The following NTM variants were observed in gnomAD, a reference collection of about 807,000 sequenced individuals.
NTM encodes neurotrimin, also known as IgLON family member 2.
A neutral mutation model predicts 42.1 loss-of-function variants in NTM; 13 were observed. The ratio of observed to expected loss-of-function variants is 0.31; its 90% CI spans 0.20 to 0.49. The LOEUF is 0.49. Among genes scored for constraint, NTM ranks in the 20% least tolerant of loss-of-function variants. The probability of loss-of-function intolerance (pLI) is 0.99; values close to 1 mark genes in which losing one functional copy is unlikely to be tolerated. For missense variants in NTM, 373 were observed against 452.8 expected (o/e 0.82, Z 1.60); for synonymous variants, 187 against 179.2 (o/e 1.04, Z -0.35).
intron 3 of NTM, among the ~76,000 whole-genome samples, chr11:132,154,317 G>C (rs1273593825): frequency 6.6e-6 from 1 of 152,160 alleles, no homozygotes; most frequent in African/African-American, 2.4e-5. Flanking sequence ...AAACACCTAA[G>C]TCAATAAATC....
At chr11:132,175,624 G>T (rs1359472903) in intron 3 of NTM, among the ~76,000 whole-genome samples, 3 of 150,920 alleles carry the variant, frequency 2.0e-5, no homozygotes, top group African/African-American at 7.3e-5. Flanking sequence ...GTCTCGCTCA[G>T]TCGCCCAGGC....
intron 4 of NTM, among the ~76,000 whole-genome samples, chr11:132,220,474 A>T (rs1178728307): frequency 6.6e-6 from 1 of 152,220 alleles, no homozygotes; most frequent in Non-Finnish European, 1.5e-5. Context: ...TAGCTGTGTA[A>T]CTTCCTACTT....
intron 1 of NTM, among the ~76,000 whole-genome samples, chr11:131,808,737 A>G (rs2092620315): frequency 6.6e-6 from 1 of 152,168 alleles, no homozygotes. Context: ...TTGACAAGTC[A>G]TCACTGAGAA....
intron 1 of NTM, among the ~76,000 whole-genome samples, chr11:131,475,990 G>A (rs61901913): frequency 5.3e-4 from 80 of 152,076 alleles, no homozygotes; most frequent in Non-Finnish European, 9.4e-4. Flanking sequence ...AACTTGGCAG[G>A]TACTCAGGAT....
At chr11:131,929,307 C>G (rs1362111347) in intron 2 of NTM, among the ~76,000 whole-genome samples, 1 of 149,412 alleles carries the variant, frequency 6.7e-6, no homozygotes. Context: ...GAGGGATCAT[C>G]CTTGGCCTGA....
chr11:131,712,798 G>A (rs552154877), intron 1 of NTM, among the ~76,000 whole-genome samples: 9 of 151,974 alleles, frequency 5.9e-5, no homozygotes, highest in East Asian at 1.9e-4. Flanking sequence ...TGCCCAGTAC[G>A]TCTCAAACTC....
chr11:131,874,018 A>ATAAT (rs1163076432), intron 1 of NTM, among the ~76,000 whole-genome samples: 31 of 74,474 alleles, frequency 4.2e-4, no homozygotes, highest in Admixed American at 1.9e-3. Flanking sequence ...ATATATTTAT[A>ATAAT]TAATATAATA....
At chr11:132,214,636 C>A (rs1195750447) in intron 4 of NTM, among the ~76,000 whole-genome samples, 1 of 152,156 alleles carries the variant, frequency 6.6e-6, no homozygotes, top group African/African-American at 2.4e-5. Context: ...TCCCCTCTGA[C>A]ATTTGAGCCT....
intron 1 of NTM, among the ~76,000 whole-genome samples, chr11:131,863,011 G>T (rs2046802913): frequency 6.6e-6 from 1 of 152,198 alleles, no homozygotes; most frequent in Admixed American, 6.5e-5. Flanking sequence ...GGTAGTACAA[G>T]AACAAGACAT....
At chr11:132,223,627 G>A (rs2085599442) in intron 4 of NTM, among the ~76,000 whole-genome samples, 1 of 152,164 alleles carries the variant, frequency 6.6e-6, no homozygotes, top group Non-Finnish European at 1.5e-5. Context: ...TCACTGCTAT[G>A]TGCACCAATG....
intron 2 of NTM, among the ~76,000 whole-genome samples, chr11:131,943,884 G>A (rs1417664885): frequency 1.3e-5 from 2 of 151,038 alleles, no homozygotes; most frequent in African/African-American, 4.9e-5. Context: ...CTTAGAGCCT[G>A]GCAGACATTC....
chr11:132,131,542 G>C (rs1193685814), intron 2 of NTM, among the ~76,000 whole-genome samples: 4 of 152,156 alleles, frequency 2.6e-5, no homozygotes, highest in African/African-American at 4.8e-5. Flanking sequence ...TGAAGGAAGG[G>C]GTGTGTGGGC....
chr11:131,811,870 A>G (rs927502282), intron 1 of NTM, among the ~76,000 whole-genome samples: 14 of 152,324 alleles, frequency 9.2e-5, no homozygotes, highest in African/African-American at 3.4e-4. Flanking sequence ...CTCTAAAGAT[A>G]AAATTGTTTT....
intron 4 of NTM, among the ~76,000 whole-genome samples, chr11:132,238,742 G>A (rs2089601871): frequency 6.6e-6 from 1 of 152,152 alleles, no homozygotes; most frequent in African/African-American, 2.4e-5. Flanking sequence ...AGCCTCCCTT[G>A]TCACTTACAT....
chr11:132,329,958 AAGTAAACC>A (rs2095765376), intron 7 of NTM, 187 bp from the exon 8 acceptor site: 1 of 410,478 alleles, frequency 2.4e-6, no homozygotes, highest in African/African-American at 2.2e-5. Flanking sequence ...CTGGCTGCCC[AAGTAAACC>A]AGAAAACCAG....
intron 1 of NTM, among the ~76,000 whole-genome samples, chr11:131,371,628 C>A (rs977980178): frequency 6.6e-6 from 1 of 152,148 alleles, no homozygotes; most frequent in Non-Finnish European, 1.5e-5. Context: ...CAGTTGAGTG[C>A]AAGCTTTGAT....
At chr11:132,015,633 A>ATTT (rs1555219424) in intron 2 of NTM, among the ~76,000 whole-genome samples, 1 of 143,078 alleles carries the variant, frequency 7.0e-6, no homozygotes, top group South Asian at 2.3e-4. Flanking sequence ...TTATTCTTAG[A>ATTT]TATTTTATTT....
intron 2 of NTM, among the ~76,000 whole-genome samples, chr11:132,033,942 A>G (rs2076219010): frequency 6.6e-6 from 1 of 152,180 alleles, no homozygotes; most frequent in Non-Finnish European, 1.5e-5. Context: ...CAACCTGTCT[A>G]CTTCATAGAA....
At chr11:131,832,117 G>T (rs1393242769) in intron 1 of NTM, among the ~76,000 whole-genome samples, 2 of 150,458 alleles carry the variant, frequency 1.3e-5, no homozygotes, top group African/African-American at 4.9e-5. Context: ...CTCCCAAATT[G>T]CCCTTCAAAA....
Sources: allele counts gnomAD v4.1 joint callset (sites outside exome capture counted in the v4.1 genomes callset), GRCh38; gene constraint gnomAD v4.1.1; transcripts MANE v1.5; gene names NCBI Gene and HGNC (gene_info 2026-07-23, HGNC 2026-07-21).